Variants in SEC61B observed in about 807,000 individuals in gnomAD.
SEC61B encodes SEC61 translocon subunit beta.
A neutral mutation model predicts 12.6 loss-of-function variants in SEC61B; 7 were observed. That is an observed-to-expected ratio of 0.55 (90% CI 0.32 to 1.04). The LOEUF is 1.04. SEC61B is among the 50% of genes least tolerant of loss of function. SEC61B has a pLI of 0.05. For missense variants in SEC61B, 107 were observed against 130.1 expected, an observed-to-expected ratio of 0.82 and a Z score of 0.86; for synonymous variants, 54 against 50.1, an observed-to-expected ratio of 1.08 and a Z score of -0.33.
At position 99,222,676 on chromosome 9, in the gene SEC61B, C is replaced by T. The variant is rs192374950; in HGVS notation, c.101+33C>T. ...ACCCTGCAGTTCGTTCGCTTCCAGA[C>T]TCGGAGATAGGACCCAGAACCTCGC... On this transcript the variant is annotated intron_variant, in intron 2 of 3. Transcript: ENST00000223641. The T allele has an allele frequency of 2.7e-4, 377 of 1,420,708 alleles. 2 individuals carry two copies. In the African/African-American group the frequency reaches 5.0e-3, roughly 19 times the overall value. 88.0% of individuals were successfully genotyped at this position (1,420,708 alleles called of 1,614,324 possible). A position where few individuals can be genotyped will look rare whatever the true frequency, so the allele number is the denominator to read the frequency against.
In SEC61B at chr9:99,228,060, C is replaced by T. The variant is rs960261802; in HGVS notation, c.203+60C>T. 1.8e-5 allele frequency: 23 copies of T among 1,290,972 alleles called. No homozygotes were observed. In the African/African-American group the frequency reaches 2.8e-4, roughly 15 times the overall value. The allele number at this position is 1,290,972 out of a possible 1,614,324, so 80.0% of individuals were successfully genotyped here. ...AGTGGCAGCAGAGCAGCAGTGGCAG[C>T]ACTCTGTCTCTGTCACCAGTAGCGT... On this transcript the variant is annotated intron_variant, in intron 3 of 3. Transcript: ENST00000223641.
At chr9:99,222,409 T>C in intron 1 of SEC61B, 43 bp downstream of exon 1, 1 of 1,613,884 alleles carries the variant, frequency 6.2e-7, no homozygotes, top group African/African-American at 1.3e-5. Context: ...CCAGAAGCCC[T>C]GACTCCTCCT....
Position 99,230,482 on chromosome 9 carries a change from A to C in SEC61B, c.*58A>C. 8.7e-7 allele frequency: 1 copy of C among 1,153,582 alleles called. No individual in the cohort carries two copies. Among genetic ancestry groups the C allele is most frequent in the South Asian group, 1.3e-5 (1 of 79,460 alleles). 71.5% of individuals were successfully genotyped at this position (1,153,582 alleles called of 1,614,324 possible). A position where few individuals can be genotyped will look rare whatever the true frequency, so the allele number is the denominator to read the frequency against. On this transcript the variant is annotated 3_prime_UTR_variant, in exon 4 of 4. Coordinates refer to ENST00000223641, the MANE Select transcript of SEC61B (RefSeq NM_006808.3). ...GAGGAAAAAACCCAACATTTCTTGGACCAAAAGTATAGTGACTATCTGTTC... is the reference window on the plus strand; with the variant it reads ...GAGGAAAAAACCCAACATTTCTTGGCCCAAAAGTATAGTGACTATCTGTTC...
intron 3 of SEC61B, among the ~76,000 whole-genome samples, chr9:99,228,301 C>T (rs1828922026): frequency 6.6e-6 from 1 of 152,214 alleles, no homozygotes; most frequent in Non-Finnish European, 1.5e-5. Context: ...GATGAAATTG[C>T]TCTTCATTTG....
At chr9:99,224,379 T>G (rs966465502) in intron 2 of SEC61B, among the ~76,000 whole-genome samples, 3 of 152,164 alleles carry the variant, frequency 2.0e-5, no homozygotes, top group African/African-American at 7.2e-5. Flanking sequence ...TTAGAGATTT[T>G]TCGTGCAGGA....
At chr9:99,222,954 G>A (rs1828848842) in intron 2 of SEC61B, 1 of 275,206 alleles carries the variant, frequency 3.6e-6, no homozygotes, top group Admixed American at 5.1e-5. Flanking sequence ...ATTTCCATCT[G>A]GCGGCCCCAT....
intron 2 of SEC61B, among the ~76,000 whole-genome samples, chr9:99,223,636 T>TC (rs113230619): frequency 0.062 from 9,403 of 152,256 alleles, 340 homozygotes; most frequent in Non-Finnish European, 0.079. Flanking sequence ...CTTGTGATCC[T>TC]CCGTCTCTGC....
chr9:99,222,896 A>G, intron 2 of SEC61B: 1 of 401,356 alleles, frequency 2.5e-6, no homozygotes. Flanking sequence ...ACTTTGAGAA[A>G]ACCGATGTCA....
chr9:99,225,279 G>A (rs1828881978), intron 2 of SEC61B, among the ~76,000 whole-genome samples: 1 of 152,216 alleles, frequency 6.6e-6, no homozygotes, highest in Non-Finnish European at 1.5e-5. Context: ...TAAGGGCTAT[G>A]AAGATAAATA....
chr9:99,227,753 G>T (rs1588623292), intron 2 of SEC61B, 146 bp from the exon 3 acceptor site: 2 of 619,758 alleles, frequency 3.2e-6, no homozygotes, highest in South Asian at 4.0e-5. Context: ...ATGATCAAAG[G>T]AGTAAAAGCA....
chr9:99,227,103 T>C (rs1828906112), intron 2 of SEC61B, among the ~76,000 whole-genome samples: 1 of 151,680 alleles, frequency 6.6e-6, no homozygotes, highest in South Asian at 2.1e-4. Flanking sequence ...CTGTCTCTAC[T>C]AAAAATACAA....
At chr9:99,227,826 TG>T in intron 2 of SEC61B, 72 bp from the exon 3 acceptor site, 1 of 1,023,230 alleles carries the variant, frequency 9.8e-7, no homozygotes, top group Non-Finnish European at 1.5e-6. Flanking sequence ...TGTGTAATAA[TG>T]GTAGCATATG....
At chr9:99,228,670 T>A (rs146820778) in intron 3 of SEC61B, among the ~76,000 whole-genome samples, 119 of 152,370 alleles carry the variant, frequency 7.8e-4, no homozygotes, top group Non-Finnish European at 1.4e-3. Flanking sequence ...TGCCTACAAC[T>A]GTTTCCTGAC....
chr9:99,229,517 T>C (rs535169239), intron 3 of SEC61B, among the ~76,000 whole-genome samples: 1 of 152,150 alleles, frequency 6.6e-6, no homozygotes, highest in Admixed American at 6.6e-5. Context: ...CATGCCTGGC[T>C]AGTTTTTTGT....
chr9:99,226,220 G>A (rs1030726023), intron 2 of SEC61B, among the ~76,000 whole-genome samples: 1 of 152,196 alleles, frequency 6.6e-6, no homozygotes, highest in African/African-American at 2.4e-5. Flanking sequence ...TGCTTTCAAA[G>A]TTCTGGCATG....
At chr9:99,225,390 A>G (rs1828882992) in intron 2 of SEC61B, among the ~76,000 whole-genome samples, 1 of 152,220 alleles carries the variant, frequency 6.6e-6, no homozygotes, top group Non-Finnish European at 1.5e-5. Context: ...GATACCTGAA[A>G]GAAGCAAGAG....
At position 99,222,621 on chromosome 9, in the gene SEC61B, G is replaced by A. The variant is rs762327457; in HGVS notation, c.79G>A (p.Ala27Thr). The change falls in exon 2 of 4, where the codon GCG (alanine) becomes ACG (threonine). Residue 27 changes from alanine to threonine, a missense_variant. Transcript: ENST00000223641. ...CAGCAAAGCAGTGGCCGCCCGGGCGGCGGGATCCACTGTCCGGCAGAGGTA... is the reference window on the plus strand; with the variant it reads ...CAGCAAAGCAGTGGCCGCCCGGGCGACGGGATCCACTGTCCGGCAGAGGTA... ...SPSKAVAARA[A>T]GSTVRQRKNA... 1 of 1,549,916 alleles carries A rather than the reference G, an allele frequency of 6.5e-7. No homozygotes were observed. The highest frequency in any genetic ancestry group is 1.2e-5 in the South Asian group (1 of 84,248).
chr9:99,222,874 G>C (rs183643713), intron 2 of SEC61B: 237 of 452,870 alleles, frequency 5.2e-4, no homozygotes, highest in Admixed American at 1.3e-3. Flanking sequence ...AACTGGAATA[G>C]AGTCAGAGAT....
chr9:99,230,265 C>G (rs1809596429), intron 3 of SEC61B, 72 bp from the exon 4 acceptor site: 2 of 919,172 alleles, frequency 2.2e-6, no homozygotes, highest in Admixed American at 4.4e-5. Flanking sequence ...TTCCCCTAGG[C>G]AATCTTTAGT....
Sources: allele counts gnomAD v4.1 joint callset (sites outside exome capture counted in the v4.1 genomes callset), GRCh38; gene constraint gnomAD v4.1.1; transcripts MANE v1.5; gene names NCBI Gene and HGNC (gene_info 2026-07-23, HGNC 2026-07-21).